The following GNB1 variants were observed in gnomAD, a reference collection of about 807,000 sequenced individuals.
The protein encoded by GNB1 is G protein subunit beta 1, also known as guanine nucleotide-binding protein G(I)/G(S)/G(T) subunit beta-1.
GNB1 carries 2 observed loss-of-function variants against 42.9 expected under a neutral mutation model. That is an observed-to-expected ratio of 0.05 (90% CI 0.02 to 0.15). The LOEUF is 0.15. GNB1 is among the 10% of genes least tolerant of loss of function. GNB1 has a pLI of 1.00. For synonymous variants in GNB1, 183 were observed against 174.7 expected, an observed-to-expected ratio of 1.05 and a Z score of -0.38; for missense variants, 193 against 462.2, an observed-to-expected ratio of 0.42 and a Z score of 5.34.
chr1:1,838,530 C>T (rs1287107168), intron 2 of GNB1, among the ~76,000 whole-genome samples: 5 of 151,670 alleles, frequency 3.3e-5, no homozygotes, highest in South Asian at 4.2e-4. Flanking sequence ...CTGCAAGCTC[C>T]GCCTCCTGGG....
intron 1 of GNB1, among the ~76,000 whole-genome samples, chr1:1,841,260 C>T (rs1411328669): frequency 6.6e-6 from 1 of 151,992 alleles, no homozygotes; most frequent in African/African-American, 2.4e-5. Context: ...ATGATCTTGG[C>T]TCACTGCAAC....
intron 1 of GNB1, among the ~76,000 whole-genome samples, chr1:1,889,486 A>G (rs1476233653): frequency 6.6e-6 from 1 of 152,176 alleles, no homozygotes; most frequent in Admixed American, 6.5e-5. Context: ...GTTTTCCTTC[A>G]GGAGCCCATT....
intron 8 of GNB1, among the ~76,000 whole-genome samples, chr1:1,793,002 G>A (rs961535457): frequency 6.6e-6 from 1 of 151,632 alleles, no homozygotes; most frequent in Non-Finnish European, 1.5e-5. Context: ...GCAGGCAGAT[G>A]TCGCAGAGCC....
At chr1:1,819,541 GTATT>G (rs1207975307) in intron 3 of GNB1, among the ~76,000 whole-genome samples, 2 of 151,196 alleles carry the variant, frequency 1.3e-5, no homozygotes, top group Middle Eastern at 3.4e-3. Flanking sequence ...TTTAAACTAT[GTATT>G]TATTTATTTT....
rs374082962 is a variant in GNB1, at chr1:1,790,575, G to C, written c.519C>G (p.Thr173=). The change falls in exon 9 of 12, where the codon ACC becomes ACG. Residue 173 remains threonine (T), a synonymous_variant. Transcript: ENST00000378609. The surrounding 1 kb of genome is among the most constrained non-coding windows in gnomAD (Gnocchi z 5.4). ...CGGTAAACGTGGTCGTCTGCTGGCC[G>C]GTCTCGATGTCCCACAGGGCACTGG... ...DTTCALWDIE[T]GQQTTTFTGH... 3.1e-6 allele frequency: 5 copies of C among 1,613,012 alleles called. No individual in the cohort carries two copies. Among genetic ancestry groups the C allele is most frequent in the Non-Finnish European group, 3.4e-6 (4 of 1,179,192 alleles).
intron 1 of GNB1, among the ~76,000 whole-genome samples, chr1:1,889,739 T>C (rs1358149997): frequency 6.6e-6 from 1 of 151,708 alleles, no homozygotes; most frequent in Non-Finnish European, 1.5e-5. Flanking sequence ...GCTAACCATG[T>C]AATTTAACGG....
intron 1 of GNB1, among the ~76,000 whole-genome samples, chr1:1,864,325 AAAAAAAAAAAAGAAG>A (rs1212590999): frequency 8.7e-5 from 13 of 149,334 alleles, no homozygotes; most frequent in Non-Finnish European, 1.6e-4. Context: ...AAAAAAAAAA[AAAAAAAAAAAAGAAG>A]AAAACCCCAC....
Position 1,825,346 on chromosome 1 carries a change from C to T in GNB1, c.57+51G>A, listed in dbSNP as rs774604582. ...CCATTTTTCCTAAAACAAGTAACAT[C>T]TAACCTGAAACTCAAATGATTAATA... is the stretch of plus-strand genomic sequence containing the variant. On this transcript the variant is annotated intron_variant, in intron 3 of 11. Transcript: ENST00000378609. 3 of 1,291,556 alleles carry T rather than the reference C, an allele frequency of 2.3e-6. No individual in the cohort carries two copies. In the South Asian group the frequency reaches 3.6e-5, roughly 15 times the overall value. The allele number at this position is 1,291,556 out of a possible 1,614,324, so 80.0% of individuals were successfully genotyped here.
intron 1 of GNB1, among the ~76,000 whole-genome samples, chr1:1,872,933 C>A (rs1382096819): frequency 2.0e-5 from 3 of 152,186 alleles, no homozygotes; most frequent in Non-Finnish European, 4.4e-5. Context: ...CATCCTAAAG[C>A]AGGAAGTTCT....
chr1:1,876,930 A>G lies in GNB1; in HGVS notation c.-96+13890T>C, dbSNP rs531953630. 6.6e-5 allele frequency among the ~76,000 whole-genome samples: 10 copies of G among 152,334 alleles called. No individual in the cohort carries two copies. In the South Asian group the frequency reaches 1.7e-3, roughly 25 times the overall value. Reference sequence around the variant, plus strand: ...TACAAGAAATACCACTGATATCTACATAATTACTACTCATGTTTTCCAAGA... The same window carrying G: ...TACAAGAAATACCACTGATATCTACGTAATTACTACTCATGTTTTCCAAGA... On this transcript the variant is annotated intron_variant, in intron 1 of 11. Coordinates refer to ENST00000378609, the MANE Select transcript of GNB1 (RefSeq NM_002074.5).
At chr1:1,842,316 G>C (rs1408799327) in intron 1 of GNB1, among the ~76,000 whole-genome samples, 1 of 152,038 alleles carries the variant, frequency 6.6e-6, no homozygotes, top group Non-Finnish European at 1.5e-5. Context: ...TGTAGTCCCA[G>C]CTACTCTGGA....
chr1:1,889,885 C>A (rs946665065), intron 1 of GNB1, among the ~76,000 whole-genome samples: 5 of 152,022 alleles, frequency 3.3e-5, no homozygotes, highest in Non-Finnish European at 7.4e-5. Context: ...CCCACCCCCA[C>A]CCCGCTTCCA....
At chr1:1,877,130 G>T (rs1007221656) in intron 1 of GNB1, among the ~76,000 whole-genome samples, 2 of 151,594 alleles carry the variant, frequency 1.3e-5, no homozygotes, top group Admixed American at 6.6e-5. Context: ...GTGAAACCCC[G>T]TCTCTACTAA....
chr1:1,854,789 T>C (rs781699412), intron 1 of GNB1, among the ~76,000 whole-genome samples: 2 of 152,136 alleles, frequency 1.3e-5, no homozygotes, highest in African/African-American at 4.8e-5. Context: ...TCCCCGCACT[T>C]TGGGAAGCCG....
At chr1:1,813,869 G>A (rs1437697236) in intron 5 of GNB1, among the ~76,000 whole-genome samples, 1 of 152,164 alleles carries the variant, frequency 6.6e-6, no homozygotes, top group Non-Finnish European at 1.5e-5. Context: ...GTGATATTCT[G>A]ATATATATCC....
In GNB1 at chr1:1,851,097, G is replaced by A. The variant is rs1184293134; in HGVS notation, c.-95-11859C>T. On this transcript the variant is annotated intron_variant, in intron 1 of 11. Transcript: ENST00000378609. ...AGCCTGACCAAGATGGTGAAACCCC[G>A]TCTCTACTAAAAATACAAAAATTAG... is the stretch of plus-strand genomic sequence containing the variant. Among the ~76,000 whole-genome samples, 5 of 151,680 alleles carry A rather than the reference G, an allele frequency of 3.3e-5. No individual in the cohort carries two copies. The East Asian group carries it at 5.8e-4, about 18-fold the overall frequency.
At chr1:1,829,545 A>C (rs1647047463) in intron 2 of GNB1, among the ~76,000 whole-genome samples, 1 of 152,164 alleles carries the variant, frequency 6.6e-6, no homozygotes, top group Admixed American at 6.5e-5. Context: ...CATGGGCTGC[A>C]AGGGAACCAG....
chr1:1,832,390 A>T (rs2101070583), intron 2 of GNB1: 1 of 152,228 alleles, frequency 6.6e-6, no homozygotes, highest in East Asian at 1.9e-4. Context: ...CGTCTAATCC[A>T]CTAAGACAGG....
intron 1 of GNB1, among the ~76,000 whole-genome samples, chr1:1,855,566 T>A (rs979305804): frequency 1.3e-5 from 2 of 151,348 alleles, no homozygotes; most frequent in African/African-American, 4.9e-5. Context: ...CAGGGCGAGG[T>A]GGCAGGCGCC....
Sources: allele counts gnomAD v4.1 joint callset (sites outside exome capture counted in the v4.1 genomes callset), GRCh38; gene constraint gnomAD v4.1.1; non-coding constraint Gnocchi (gnomAD v3.1); transcripts MANE v1.5; gene names NCBI Gene and HGNC (gene_info 2026-07-23, HGNC 2026-07-21).